The following NUTM2E variants were observed in gnomAD, a reference collection of about 807,000 sequenced individuals.
The protein encoded by NUTM2E is family with sequence similarity 22, member E.
In NUTM2E, 3 loss-of-function variants were observed where a neutral mutation model predicts 26.1. The ratio of observed to expected loss-of-function variants is 0.12; its 90% CI spans 0.05 to 0.30. The LOEUF is 0.30. Ranked by LOEUF, NUTM2E falls within the 10% of genes least tolerant of loss-of-function variation. The pLI is 1.00. For synonymous variants in NUTM2E, 13 were observed against 157.5 expected (o/e 0.08, Z 6.87); for missense variants, 62 against 381.3 (o/e 0.16, Z 6.97).
At chr10:79,828,081 C>T in intron 1 of NUTM2E, among the ~76,000 whole-genome samples, 1 of 151,572 alleles carries the variant, frequency 6.6e-6, no homozygotes. Flanking sequence ...AGGCGTGAGC[C>T]ACCGTGCCCG....
At chr10:79,827,920 A>G (rs1589304725) in intron 1 of NUTM2E, among the ~76,000 whole-genome samples, 2 of 150,686 alleles carry the variant, frequency 1.3e-5, no homozygotes, top group African/African-American at 4.9e-5. Context: ...CAGCCTCCCA[A>G]GTAGCTGGGA....
In NUTM2E at chr10:79,839,092, C is replaced by G. The variant is rs997329597; in HGVS notation, c.-2137C>G. 1.3e-5 allele frequency among the ~76,000 whole-genome samples: 2 copies of G among 151,356 alleles called. No individual in the cohort carries two copies. Among genetic ancestry groups the G allele is most frequent in the Non-Finnish European group, 3.0e-5 (2 of 67,790 alleles). On this transcript the variant is annotated 5_prime_UTR_variant, in exon 3 of 10. Transcript: ENST00000429984. Reference sequence around the variant, plus strand: ...CGTGCCTCTGAGAAACCAGCGCGTCCGCAACGATCACTCCTAATTTTCGGT... The same window carrying G: ...CGTGCCTCTGAGAAACCAGCGCGTCGGCAACGATCACTCCTAATTTTCGGT...
At chr10:79,849,021 G>T (rs1218779775) in intron 8 of NUTM2E, 126 bp downstream of exon 8, 5 of 915,656 alleles carry the variant, frequency 5.5e-6, no homozygotes, top group Non-Finnish European at 8.0e-6. Flanking sequence ...GAGTGTCTGT[G>T]TATGTGATTG....
At chr10:79,834,893 T>C (rs1276282388) in intron 1 of NUTM2E, among the ~76,000 whole-genome samples, 5 of 151,586 alleles carry the variant, frequency 3.3e-5, no homozygotes, top group Admixed American at 6.6e-5. Flanking sequence ...ATCATACTTT[T>C]GTTAGTGTGT....
chr10:79,832,683 TAAG>T (rs1415077714), intron 1 of NUTM2E, among the ~76,000 whole-genome samples: 1 of 151,682 alleles, frequency 6.6e-6, no homozygotes, highest in Non-Finnish European at 1.5e-5. Context: ...ATTATAAAAA[TAAG>T]AACTGAAATA....
At position 79,840,712 on chromosome 10, in the gene NUTM2E, C is replaced by T. The variant is rs929651382; in HGVS notation, c.-1029C>T. On this transcript the variant is annotated 5_prime_UTR_variant, in exon 4 of 10. Transcript: ENST00000429984. ...AGTGTCTTCGAAAGGGCAAATGCTT[C>T]GTAAGTGCCGACAGGGTGTGTTTCA... Among the ~76,000 whole-genome samples the T allele has an allele frequency of 2.0e-5, 3 of 151,024 alleles. No homozygotes were observed. Among genetic ancestry groups the T allele is most frequent in the Admixed American group, 6.6e-5 (1 of 15,148 alleles).
In NUTM2E at chr10:79,842,066, G is replaced by C; in HGVS notation, c.326G>C (p.Gly109Ala). 9.9e-7 allele frequency: 1 copy of C among 1,006,290 alleles called. No homozygotes were observed. Among genetic ancestry groups the C allele is most frequent in the Non-Finnish European group, 1.5e-6 (1 of 664,120 alleles). 62.3% of individuals were successfully genotyped at this position (1,006,290 alleles called of 1,614,324 possible). The change falls in exon 4 of 10, where the codon GGA (glycine) becomes GCA (alanine). Residue 109 changes from glycine (G) to alanine (A), a missense_variant. Physicochemically the swap from Gly to Ala is moderately conservative, Grantham distance 60. Transcript: ENST00000429984. ...LGLTLGFSYC[G>A]NCQTAVVSAQ... is the part of the protein sequence containing the mutation. ...CTTACCCTTGGCTTTTCTTATTGCG[G>C]AAACTGCCAGACGGCGGTGGTCAGT...
rs192882725 is a variant in NUTM2E, at chr10:79,831,574, C to A, written c.-2728+4217C>A. On this transcript the variant is annotated intron_variant, in intron 1 of 9. Coordinates refer to ENST00000429984, the MANE Select transcript of NUTM2E (RefSeq NM_001355263.2). Reference sequence around the variant, plus strand: ...ACAATTTTAAAAAGACCTCATCAGACCATATTGCATGTTCTCGTAAAGGGG... The same window carrying A: ...ACAATTTTAAAAAGACCTCATCAGAACATATTGCATGTTCTCGTAAAGGGG... Among the ~76,000 whole-genome samples, 16 of 151,854 alleles carry A rather than the reference C, an allele frequency of 1.1e-4. 1 individual carries two copies. Among genetic ancestry groups the A allele is most frequent in the African/African-American group, 3.6e-4 (15 of 41,460 alleles).
chr10:79,834,678 A>G (rs2132415116), intron 1 of NUTM2E, among the ~76,000 whole-genome samples: 1 of 150,606 alleles, frequency 6.6e-6, no homozygotes, highest in African/African-American at 2.4e-5. Context: ...AAAAAAAAAA[A>G]AAATCAAAAT....
At chr10:79,837,454 TTTTGA>T (rs1564742265) in intron 1 of NUTM2E, among the ~76,000 whole-genome samples, 1 of 152,156 alleles carries the variant, frequency 6.6e-6, no homozygotes, top group Non-Finnish European at 1.5e-5. Context: ...GGGAAATTAG[TTTTGA>T]TTTGATGAGC....
chr10:79,830,228 A>G (rs960838861), intron 1 of NUTM2E, among the ~76,000 whole-genome samples: 1 of 151,672 alleles, frequency 6.6e-6, no homozygotes, highest in Non-Finnish European at 1.5e-5. Flanking sequence ...AGTTTTTTGT[A>G]CTATGGTGTA....
intron 1 of NUTM2E, among the ~76,000 whole-genome samples, chr10:79,837,551 CTAA>C (rs1471978286): frequency 2.0e-5 from 3 of 152,100 alleles, no homozygotes; most frequent in Non-Finnish European, 4.4e-5. Flanking sequence ...CATGTCACGG[CTAA>C]TAATATCAGG....
chr10:79,834,338 CTT>C (rs772525991), intron 1 of NUTM2E, among the ~76,000 whole-genome samples: 9 of 151,728 alleles, frequency 5.9e-5, no homozygotes, highest in East Asian at 1.9e-4. Context: ...ACATGTATAA[CTT>C]AAGTATCATA....
At chr10:79,845,307 C>G (rs448174) in intron 5 of NUTM2E, among the ~76,000 whole-genome samples, 3 of 113,294 alleles carry the variant, frequency 2.6e-5, no homozygotes, top group South Asian at 2.4e-4. Context: ...GGCACATGCC[C>G]GCAGTTCCGC....
chr10:79,827,752 A>C lies in NUTM2E; in HGVS notation c.-2728+395A>C, dbSNP rs1351990870. On this transcript the variant is annotated intron_variant, in intron 1 of 9. Transcript: ENST00000429984. ...TTTTTTTTTAATTTTCTGCTTCCTC[A>C]CACTCTCCCATACTAAATGAATTAT... 2.0e-5 allele frequency: 3 copies of C among 149,194 alleles called. 1 individual carries two copies. The highest frequency in any genetic ancestry group is 4.5e-5 in the Non-Finnish European group (3 of 67,302). 9.2% of individuals were successfully genotyped at this position (149,194 alleles called of 1,614,324 possible).
intron 1 of NUTM2E, among the ~76,000 whole-genome samples, chr10:79,833,914 A>G (rs1277423260): frequency 6.6e-6 from 1 of 151,878 alleles, no homozygotes; most frequent in African/African-American, 2.4e-5. Context: ...ATGCACATGT[A>G]TGTTTATTGC....
chr10:79,835,876 ATAT>A (rs935297417), intron 1 of NUTM2E, among the ~76,000 whole-genome samples: 5 of 134,872 alleles, frequency 3.7e-5, no homozygotes, highest in Non-Finnish European at 6.3e-5. Context: ...AACGTTCAAA[ATAT>A]TATTTCATGG....
Position 79,850,020 on chromosome 10 carries a change from G to C in NUTM2E, c.2051G>C (p.Arg684Pro). 1 of 1,096,060 alleles carries C rather than the reference G, an allele frequency of 9.1e-7. No individual in the cohort carries two copies. Among genetic ancestry groups the C allele is most frequent in the Non-Finnish European group, 1.3e-6 (1 of 755,230 alleles). The allele number at this position is 1,096,060 out of a possible 1,614,324, so 67.9% of individuals were successfully genotyped here. Residue 684 changes from arginine to proline, a missense_variant, in exon 10 of 10, where the codon CGA becomes CCA. Arg to Pro is a moderately radical substitution (Grantham distance 103). Transcript: ENST00000429984. ...PQTTARDSQGRGRAHTGMARS... is the reference protein window; with the variant it reads ...PQTTARDSQGPGRAHTGMARS... ...ACGACTGCCCGGGACTCTCAGGGAC[G>C]AGGCAGAGCACACACTGGCATGGCC...
At chr10:79,831,347 G>T (rs1841926223) in intron 1 of NUTM2E, among the ~76,000 whole-genome samples, 1 of 151,102 alleles carries the variant, frequency 6.6e-6, no homozygotes. Context: ...ACTTAAATTA[G>T]CTTAGATATA....
Sources: gnomAD v4.1 joint callset for allele counts (sites outside exome capture counted in the v4.1 genomes callset) on GRCh38, gnomAD v4.1.1 for gene constraint, MANE v1.5 for transcripts, NCBI Gene and HGNC (gene_info 2026-07-23, HGNC 2026-07-21) for gene names.